NEBL: variants seen among roughly 807,000 people sequenced by gnomAD.
NEBL encodes LIM and SH3 protein 2.
NEBL carries 122 observed loss-of-function variants against 140.2 expected under a neutral mutation model. That is an observed-to-expected ratio of 0.87 (90% confidence interval 0.75 to 1.01). NEBL has a LOEUF of 1.01. NEBL is among the 50% of genes least tolerant of loss of function. The pLI is 0.00. For missense variants in NEBL, 1,365 were observed against 1,231.3 expected (o/e 1.11, Z -1.62); for synonymous variants, 436 against 398.9 (o/e 1.09, Z -1.11).
In NEBL at chr10:21,145,726, G is replaced by A. The variant is rs147440467; in HGVS notation, c.164+26657C>T. 2.6e-5 allele frequency among the ~76,000 whole-genome samples: 4 copies of A among 152,264 alleles called. No homozygotes were observed. In the East Asian group the frequency reaches 7.7e-4, roughly 29 times the overall value. On this transcript the variant is annotated intron_variant, in intron 2 of 6. Transcript: ENST00000417816. ...GAACCAAAACAGAATCAGATCTACC[G>A]GTCAGTACTCTTTGGTGGCTGACAT...
chr10:21,225,362 C>G (rs544627727), intron 3 of NEBL, among the ~76,000 whole-genome samples: 20 of 152,242 alleles, frequency 1.3e-4, no homozygotes, highest in African/African-American at 4.8e-4. Flanking sequence ...GGGTTTCACT[C>G]AAGGTCCACA....
intron 4 of NEBL, among the ~76,000 whole-genome samples, chr10:20,951,764 TG>T (rs1208019441): frequency 6.6e-6 from 1 of 152,250 alleles, no homozygotes; most frequent in Non-Finnish European, 1.5e-5. Context: ...ATAAGAGTTC[TG>T]GTTTTTCTTT....
intron 3 of NEBL, among the ~76,000 whole-genome samples, chr10:20,964,259 G>A (rs1383940428): frequency 1.3e-5 from 2 of 152,234 alleles, no homozygotes; most frequent in South Asian, 2.1e-4. Context: ...AGAAGCCTCA[G>A]CTCTGGGACT....
chr10:21,088,884 A>T (rs1836776644), intron 2 of NEBL, among the ~76,000 whole-genome samples: 1 of 152,182 alleles, frequency 6.6e-6, no homozygotes, highest in Admixed American at 6.5e-5. Flanking sequence ...GAAGAGCTGG[A>T]GACTTTCTGG....
intron 3 of NEBL, among the ~76,000 whole-genome samples, chr10:21,225,888 G>C (rs1193783475): frequency 2.6e-5 from 4 of 152,276 alleles, no homozygotes; most frequent in African/African-American, 9.6e-5. Context: ...ACTGTGGTCA[G>C]CTGGTACCTA....
At chr10:21,079,230 G>A (rs1836254277) in intron 2 of NEBL, among the ~76,000 whole-genome samples, 1 of 152,168 alleles carries the variant, frequency 6.6e-6, no homozygotes, top group Non-Finnish European at 1.5e-5. Context: ...TGGTGGAGGG[G>A]ATAACAGGGC....
intron 24 of NEBL, among the ~76,000 whole-genome samples, chr10:20,810,605 T>C (rs895246853): frequency 3.3e-5 from 5 of 152,204 alleles, no homozygotes; most frequent in African/African-American, 1.2e-4. Context: ...CCATAGTCAG[T>C]GATCAGACTG....
At chr10:21,188,031 T>C (rs1228437496) in intron 3 of NEBL, among the ~76,000 whole-genome samples, 1 of 152,110 alleles carries the variant, frequency 6.6e-6, no homozygotes, top group Non-Finnish European at 1.5e-5. Context: ...CCTTCATCAA[T>C]TACAGTTAAG....
intron 2 of NEBL, among the ~76,000 whole-genome samples, chr10:21,142,984 T>G (rs1589278458): frequency 1.3e-5 from 2 of 152,286 alleles, no homozygotes; most frequent in South Asian, 4.1e-4. Flanking sequence ...AATTTGAGAC[T>G]TAAGTGTGTG....
chr10:20,876,952 T>C (rs1241899768), intron 5 of NEBL, among the ~76,000 whole-genome samples: 1 of 152,224 alleles, frequency 6.6e-6, no homozygotes, highest in South Asian at 2.1e-4. Flanking sequence ...TTTTTAATCA[T>C]TTTCTGATTA....
At chr10:20,820,499 A>G (rs547115944) in intron 19 of NEBL, among the ~76,000 whole-genome samples, 14 of 152,334 alleles carry the variant, frequency 9.2e-5, no homozygotes, top group Middle Eastern at 3.4e-3. Flanking sequence ...CTTTTACAAG[A>G]AATCCCCACA....
intron 2 of NEBL, among the ~76,000 whole-genome samples, chr10:21,046,849 G>A (rs1243697883): frequency 6.6e-6 from 1 of 152,156 alleles, no homozygotes; most frequent in Non-Finnish European, 1.5e-5. Flanking sequence ...TGATCCGCCT[G>A]CCTCAGCCTC....
At chr10:21,012,353 T>C (rs1302689573) in intron 3 of NEBL, among the ~76,000 whole-genome samples, 1 of 151,586 alleles carries the variant, frequency 6.6e-6, no homozygotes, top group Non-Finnish European at 1.5e-5. Context: ...TGTATATATA[T>C]ATTTATTTAT....
chr10:20,829,210 A>G (rs1840167483), intron 16 of NEBL, among the ~76,000 whole-genome samples: 1 of 152,068 alleles, frequency 6.6e-6, no homozygotes, highest in Non-Finnish European at 1.5e-5. Context: ...CTGGCAAACT[A>G]CTTAAGAAAA....
In NEBL at chr10:20,823,609, C is replaced by T. The variant is rs1202350633; in HGVS notation, c.1870-309G>A. 7.2e-5 allele frequency among the ~76,000 whole-genome samples: 11 copies of T among 151,944 alleles called. No individual in the cohort carries two copies. In the East Asian group the frequency reaches 9.7e-4, roughly 13 times the overall value. On this transcript the variant is annotated intron_variant, in intron 18 of 27. Coordinates refer to ENST00000377122, the MANE Select transcript of NEBL (RefSeq NM_006393.3). ...GCAGGAAAAAAACCTTGTACATTATCGTAAATAAAATGATTATTTTCTATC... is the reference window on the plus strand; with the variant it reads ...GCAGGAAAAAAACCTTGTACATTATTGTAAATAAAATGATTATTTTCTATC...
rs537661572 is a variant in NEBL, at chr10:20,888,155, C to T, written c.311G>A (p.Arg104Gln). 7.7e-5 allele frequency: 124 copies of T among 1,613,656 alleles called. No homozygotes were observed. Among genetic ancestry groups the T allele is most frequent in the Non-Finnish European group, 9.8e-5 (116 of 1,179,898 alleles). ...KADLSNSLYK[R>Q]MPATIDSVFA... The stretch of plus-strand genomic sequence containing the variant: ...AACACTGTCAATTGTGGCTGGCATC[C>T]GCTTATAAAGAGAATTAGAAAGGTC... Residue 104 changes from arginine to glutamine, a missense_variant, in exon 4 of 28, where the codon CGG becomes CAG. Arg to Gln is a conservative substitution (Grantham distance 43). Coordinates refer to ENST00000377122, the MANE Select transcript of NEBL (RefSeq NM_006393.3).
intron 3 of NEBL, among the ~76,000 whole-genome samples, chr10:21,198,225 C>T (rs1239894896): frequency 6.6e-6 from 1 of 152,182 alleles, no homozygotes; most frequent in African/African-American, 2.4e-5. Flanking sequence ...CCTGCTAGGT[C>T]ACCTTGTCCT....
intron 3 of NEBL, among the ~76,000 whole-genome samples, chr10:21,219,921 G>C (rs1424279449): frequency 7.8e-6 from 1 of 128,634 alleles, no homozygotes; most frequent in East Asian, 2.3e-4. Flanking sequence ...ATTTTTGTTT[G>C]TTTGTTTGTT....
intron 3 of NEBL, among the ~76,000 whole-genome samples, chr10:20,995,593 TAGG>T (rs1355309592): frequency 2.6e-5 from 4 of 152,134 alleles, no homozygotes; most frequent in African/African-American, 7.2e-5. Flanking sequence ...GCAAGATAAA[TAGG>T]AGGACGCTGG....
Sources: allele counts gnomAD v4.1 joint callset (sites outside exome capture counted in the v4.1 genomes callset), GRCh38; gene constraint gnomAD v4.1.1; transcripts MANE v1.5; gene names NCBI Gene and HGNC (gene_info 2026-07-23, HGNC 2026-07-21).